The following S100A13 variants were observed in gnomAD, a reference collection of about 807,000 sequenced individuals.
The protein encoded by S100A13 is S100 calcium binding protein A13.
S100A13 carries 6 observed loss-of-function variants against 8.2 expected under a neutral mutation model. The observed-to-expected ratio is 0.73, with a 90% CI of 0.40 to 1.44. The LOEUF (loss-of-function observed/expected upper bound fraction) is 1.44, where lower values mean the gene tolerates loss of function less well. S100A13 is among the 40% of genes most tolerant of loss of function. The pLI, the probability that S100A13 is intolerant of heterozygous loss-of-function variation, is 0.02. For missense variants in S100A13, 114 were observed against 113.6 expected (o/e 1.00, Z -0.02); for synonymous variants, 39 against 45.9 (o/e 0.85, Z 0.61).
At chr1:153,630,574 C>A (rs1191648633), upstream of S100A13, 1 of 1,614,242 alleles carries the variant, frequency 6.2e-7, no homozygotes, top group Non-Finnish European at 8.5e-7. Flanking sequence ...GTGTTCCACG[C>A]CCACTCGGGC....
At chr1:153,625,313 G>A (rs1286550556) in intron 2 of S100A13, among the ~76,000 whole-genome samples, 3 of 152,236 alleles carry the variant, frequency 2.0e-5, no homozygotes, top group Non-Finnish European at 4.4e-5. Flanking sequence ...CTGTGTTCAA[G>A]GAGTCCATAT....
upstream of S100A13, chr1:153,630,462 T>A: frequency 6.3e-7 from 1 of 1,598,422 alleles, no homozygotes; most frequent in East Asian, 2.2e-5. Context: ...AGACCCCAGG[T>A]ACTCCGGGCC....
chr1:153,627,831 C>A, upstream of S100A13: 1 of 567,144 alleles, frequency 1.8e-6, no homozygotes, highest in Non-Finnish European at 3.1e-6. Context: ...GGGAGGCAAC[C>A]AATCAAGGGA....
upstream of S100A13, chr1:153,628,694 A>G (rs907041854): frequency 5.4e-6 from 5 of 927,402 alleles, no homozygotes; most frequent in South Asian, 2.3e-5. Flanking sequence ...AATGAACTGA[A>G]GGTCGGAGAG....
upstream of S100A13, chr1:153,631,465 G>A (rs1331311367): frequency 1.9e-6 from 3 of 1,582,776 alleles, no homozygotes; most frequent in East Asian, 2.3e-5. Flanking sequence ...CTTTATTATA[G>A]GCACTGAACA....
upstream of S100A13, chr1:153,631,779 T>C: frequency 1.2e-6 from 2 of 1,613,926 alleles, no homozygotes; most frequent in Non-Finnish European, 8.5e-7. Flanking sequence ...CTTCCAGGAG[T>C]ATGTGGTGCT....
upstream of S100A13, among the ~76,000 whole-genome samples, chr1:153,632,493 G>A (rs1668079285): frequency 6.6e-6 from 1 of 151,842 alleles, no homozygotes; most frequent in Admixed American, 6.6e-5. Context: ...GGATGGTCTC[G>A]ATCTCCTGAC....
intron 2 of S100A13, among the ~76,000 whole-genome samples, chr1:153,621,634 G>A (rs1667257301): frequency 6.6e-6 from 1 of 150,404 alleles, no homozygotes; most frequent in Non-Finnish European, 1.5e-5. Flanking sequence ...CTCTCACACT[G>A]TGGAAGCTTT....
At chr1:153,621,065 A>T (rs935826868) in intron 2 of S100A13, among the ~76,000 whole-genome samples, 2 of 152,100 alleles carry the variant, frequency 1.3e-5, no homozygotes, top group Non-Finnish European at 2.9e-5. Flanking sequence ...GAATAAACAT[A>T]TATTTTTCTT....
chr1:153,633,549 G>A (rs188558736), upstream of S100A13, among the ~76,000 whole-genome samples: 41 of 152,256 alleles, frequency 2.7e-4, no homozygotes, highest in Admixed American at 2.5e-3. Context: ...ATGGACGGGC[G>A]GTGGTGTTGG....
At chr1:153,619,459 C>A (rs1016541621) in intron 2 of S100A13, among the ~76,000 whole-genome samples, 1 of 152,184 alleles carries the variant, frequency 6.6e-6, no homozygotes, top group Admixed American at 6.5e-5. Flanking sequence ...CCTTCTGGGG[C>A]CACCCTCCTC....
At chr1:153,630,442 C>T (rs1358487038), upstream of S100A13, 1 of 1,564,130 alleles carries the variant, frequency 6.4e-7, no homozygotes, top group African/African-American at 1.4e-5. Flanking sequence ...CCTGAGGGTT[C>T]CCCTCACCTA....
chr1:153,631,533 G>A (rs2101643972), upstream of S100A13: 1 of 1,613,816 alleles, frequency 6.2e-7, no homozygotes, highest in Non-Finnish European at 8.5e-7. Flanking sequence ...TATGCTGTAG[G>A]CAACAGAAGC....
intron 2 of S100A13, among the ~76,000 whole-genome samples, chr1:153,620,903 C>T (rs1224734463): frequency 1.3e-5 from 2 of 151,814 alleles, no homozygotes. Context: ...CCCATCTCTA[C>T]AAGAAAAGGA....
At position 153,618,886 on chromosome 1, in the gene S100A13, C is replaced by T; in HGVS notation, c.*9G>A. On this transcript the variant is annotated 3_prime_UTR_variant, in exon 3 of 3. Transcript: ENST00000476133. ...TCTGCCCTGCCCACCCCATCTCAGC[C>T]AGGCGGCTTTACTTCTTCCTGATCT... The T allele has an allele frequency of 6.2e-7, 1 of 1,613,942 alleles. No individual in the cohort carries two copies. Among genetic ancestry groups the T allele is most frequent in the Non-Finnish European group, 8.5e-7 (1 of 1,179,936 alleles).
At chr1:153,631,108 G>A (rs1481145984), upstream of S100A13, 1 of 301,316 alleles carries the variant, frequency 3.3e-6, no homozygotes, top group Non-Finnish European at 6.2e-6. Flanking sequence ...TTAGGAGGAG[G>A]TAACTGAATG....
chr1:153,621,746 G>A (rs949856326), intron 2 of S100A13, among the ~76,000 whole-genome samples: 1 of 151,058 alleles, frequency 6.6e-6, no homozygotes, highest in Non-Finnish European at 1.5e-5. Flanking sequence ...AAATCAGCCA[G>A]GCATGGTGAT....
chr1:153,631,847 C>G (rs372768333), upstream of S100A13: 5 of 1,613,204 alleles, frequency 3.1e-6, no homozygotes, highest in Non-Finnish European at 4.2e-6. Flanking sequence ...GTTGAGCAGA[C>G]AGCCACATTG....
intron 2 of S100A13, among the ~76,000 whole-genome samples, chr1:153,620,168 T>A (rs1667144080): frequency 6.6e-6 from 1 of 151,966 alleles, no homozygotes; most frequent in African/African-American, 2.4e-5. Flanking sequence ...GAGCCTGTAA[T>A]CCCAGCTACT....
Sources: allele counts gnomAD v4.1 joint callset (sites outside exome capture counted in the v4.1 genomes callset), GRCh38; gene constraint gnomAD v4.1.1; transcripts MANE v1.5; gene names NCBI Gene and HGNC (gene_info 2026-07-23, HGNC 2026-07-21).